Variants in STING1 observed in about 807,000 individuals in gnomAD.
The protein encoded by STING1 is stimulator of interferon genes protein.
A neutral mutation model predicts 31.6 loss-of-function variants in STING1; 19 were observed. That is an observed-to-expected ratio of 0.60 (90% CI 0.42 to 0.88). The LOEUF (loss-of-function observed/expected upper bound fraction) is 0.88, where lower values mean the gene tolerates loss of function less well. Ranked by LOEUF, STING1 falls within the 40% of genes least tolerant of loss-of-function variation. The pLI is 0.00. For synonymous variants in STING1, 200 were observed against 208.6 expected, an observed-to-expected ratio of 0.96 and a Z score of 0.35; for missense variants, 371 against 483.7, an observed-to-expected ratio of 0.77 and a Z score of 2.19.
In STING1 at chr5:139,481,736, C is replaced by T. The variant is rs756213282; in HGVS notation, c.1-32G>A. 3.2e-6 allele frequency: 5 copies of T among 1,550,944 alleles called. No individual in the cohort carries two copies. The highest frequency in any genetic ancestry group is 4.4e-6 in the Non-Finnish European group (5 of 1,133,562). On this transcript the variant is annotated intron_variant, in intron 2 of 7. Coordinates refer to ENST00000330794, the MANE Select transcript of STING1 (RefSeq NM_198282.4). The surrounding 1 kb of genome is among the most constrained non-coding windows in gnomAD (Gnocchi z 4.1). ...GCACCAAGAAATCCATGACCATTCT[C>T]CCCTTGCCCTCCTGCCCTTCTGGGA... is the stretch of plus-strand genomic sequence containing the variant.
In STING1 at chr5:139,481,936, C is replaced by T. The variant is rs1274072488; in HGVS notation, c.1-232G>A. 3.8e-6 allele frequency: 2 copies of T among 530,290 alleles called. No homozygotes were observed. Among genetic ancestry groups the T allele is most frequent in the African/African-American group, 1.9e-5 (1 of 52,730 alleles). The allele number at this position is 530,290 out of a possible 1,614,324, so 32.8% of individuals were successfully genotyped here. A position where few individuals can be genotyped will look rare whatever the true frequency, so the allele number is the denominator to read the frequency against. On this transcript the variant is annotated intron_variant, in intron 2 of 7. Transcript: ENST00000330794. This position sits in a 1 kb window ranked among gnomAD's most constrained non-coding sequence, Gnocchi z 4.1. ...GCAGGGCCTGCACATACACGCCCCA[C>T]CAAGACCCAGGGAGACCACAGGTGT...
chr5:139,476,420 C>T lies in STING1; in HGVS notation c.981G>A (p.Gln327=), dbSNP rs1457231135. The change falls in exon 8 of 8, where the codon CAG becomes CAA. Residue 327 remains glutamine, a synonymous_variant. Transcript: ENST00000330794. The part of the protein sequence containing the change: ...PADDSSFSLS[Q]EVLRHLRQEE... ...CCTGCCGCAGGTGCCGGAGAACCTC[C>T]TGGGACAGCGAGAAGCTGCTGTCAT... The T allele has an allele frequency of 1.9e-6, 3 of 1,612,424 alleles. No individual in the cohort carries two copies. Among genetic ancestry groups the T allele is most frequent in the Admixed American group, 3.3e-5 (2 of 60,010 alleles).
At chr5:139,478,071 T>C (rs1311301358) in intron 6 of STING1, among the ~76,000 whole-genome samples, 199 bp downstream of exon 6, 1 of 152,200 alleles carries the variant, frequency 6.6e-6, no homozygotes, top group East Asian at 1.9e-4. Flanking sequence ...ACACCCAGAA[T>C]AGCATCCAGC....
Position 139,475,547 on chromosome 5 carries a change from C to T in STING1, c.*714G>A, listed in dbSNP as rs1413086784. 1 of 152,184 alleles carries T rather than the reference C, an allele frequency of 6.6e-6. No homozygotes were observed. Among genetic ancestry groups the T allele is most frequent in the African/African-American group, 2.4e-5 (1 of 41,418 alleles). 9.4% of individuals were successfully genotyped at this position (152,184 alleles called of 1,614,324 possible). ...CTCACATTGGGTAATCTGAGATGTG[C>T]TTTAAAAAAGGACCGTTGAGAAAGG... On this transcript the variant is annotated 3_prime_UTR_variant, in exon 8 of 8. Transcript: ENST00000330794.
chr5:139,477,868 A>G (rs1247816635), intron 6 of STING1, among the ~76,000 whole-genome samples: 1 of 152,204 alleles, frequency 6.6e-6, no homozygotes, highest in Non-Finnish European at 1.5e-5. Flanking sequence ...CTGCACCCAC[A>G]TGAATCCTTC....
rs552895587 is a variant in STING1 at position 139,476,616 on chromosome 5, A to T, written c.947-162T>A. 7.9e-5 allele frequency among the ~76,000 whole-genome samples: 12 copies of T among 152,232 alleles called. No individual in the cohort carries two copies. In the South Asian group the frequency reaches 2.5e-3, roughly 32 times the overall value. On this transcript the variant is annotated intron_variant, in intron 7 of 7. Coordinates refer to ENST00000330794, the MANE Select transcript of STING1 (RefSeq NM_198282.4). ...AGTTTCATAGAATCCTAGAGGTAGA[A>T]GTGGTTCAGGCCTGGCACAGTGGCT...
rs916516910 is a variant in STING1 at position 139,478,429 on chromosome 5, A to G, written c.600T>C (p.Ile200=). 7.4e-6 allele frequency: 12 copies of G among 1,614,052 alleles called. No homozygotes were observed. The highest frequency in any genetic ancestry group is 3.3e-5 in the Admixed American group (2 of 60,006). The change falls in exon 6 of 8, where the codon ATT becomes ATC. Residue 200 remains isoleucine, a synonymous_variant. Transcript: ENST00000330794. ...GCACCCCACAGTCCAATGGGAGGAG[A>G]ATATACAGCCGCTGGCTCACTGCAC... ...LRGAVSQRLY[I]LLPLDCGVPD...
intron 5 of STING1, 89 bp from the exon 6 acceptor site, chr5:139,478,597 T>C (rs554059791): frequency 3.5e-6 from 4 of 1,133,338 alleles, no homozygotes; most frequent in Non-Finnish European, 5.2e-6. Context: ...GCCCCCGCAG[T>C]GTGTGGGTGC....
Position 139,480,781 on chromosome 5 carries a change from A to G in STING1, c.520+9T>C. On this transcript the variant is annotated intron_variant, in intron 5 of 7. Coordinates refer to ENST00000330794, the MANE Select transcript of STING1 (RefSeq NM_198282.4). Reference sequence around the variant, plus strand: ...AGATCGAGAAATGGGGGCAGAGAGGATGGCCCACCTGGCAGGATCAGCCGC... The same window carrying G: ...AGATCGAGAAATGGGGGCAGAGAGGGTGGCCCACCTGGCAGGATCAGCCGC... 6.3e-7 allele frequency: 1 copy of G among 1,588,452 alleles called. No individual in the cohort carries two copies. The highest frequency in any genetic ancestry group is 8.6e-7 in the Non-Finnish European group (1 of 1,156,590).
At chr5:139,479,406 C>T (rs553648491) in intron 5 of STING1, among the ~76,000 whole-genome samples, 2 of 149,460 alleles carry the variant, frequency 1.3e-5, no homozygotes, top group Admixed American at 6.7e-5. Flanking sequence ...CTCAGAACTG[C>T]ACTTAAAAAA....
In STING1 at chr5:139,478,855, A is replaced by G. The variant is rs1373073180; in HGVS notation, c.521-347T>C. ...AGAGGGAGGCCTCTAGCCCCAGATC[A>G]GTCTCCTAGCGGAAGCCCTAGGAGA... is the stretch of plus-strand genomic sequence containing the variant. On this transcript the variant is annotated intron_variant, in intron 5 of 7. Transcript: ENST00000330794. The G allele has an allele frequency of 1.1e-5, 3 of 268,178 alleles. No homozygotes were observed. In the South Asian group the frequency reaches 1.7e-4, roughly 15 times the overall value. 16.6% of individuals were successfully genotyped at this position (268,178 alleles called of 1,614,324 possible).
At chr5:139,478,701 C>T (rs1255435971) in intron 5 of STING1, 193 bp from the exon 6 acceptor site, 1 of 593,764 alleles carries the variant, frequency 1.7e-6, no homozygotes, top group Non-Finnish European at 3.0e-6. Flanking sequence ...CTTACTGCAC[C>T]ACCCTTTACC....
chr5:139,481,370 C>T lies in STING1; in HGVS notation c.228-28G>A. 1 of 1,578,406 alleles carries T rather than the reference C, an allele frequency of 6.3e-7. No homozygotes were observed. The highest frequency in any genetic ancestry group is 8.6e-7 in the Non-Finnish European group (1 of 1,160,260). ...GTGAGTGACAGCCAGACCCCAGACC[C>T]CAGCCCCCAGCCCAGCTCAGCCAGA... On this transcript the variant is annotated intron_variant, in intron 3 of 7. Coordinates refer to ENST00000330794, the MANE Select transcript of STING1 (RefSeq NM_198282.4). The surrounding 1 kb of genome is among the most constrained non-coding windows in gnomAD (Gnocchi z 4.1).
chr5:139,481,808 GCCCAGCCACT>G lies in STING1; in HGVS notation c.1-114_1-105del. 1.1e-6 allele frequency: 1 copy of G among 942,100 alleles called. No individual in the cohort carries two copies. The highest frequency in any genetic ancestry group is 1.6e-6 in the Non-Finnish European group (1 of 623,920). The allele number at this position is 942,100 out of a possible 1,614,324, so 58.4% of individuals were successfully genotyped here. A position where few individuals can be genotyped will look rare whatever the true frequency, so the allele number is the denominator to read the frequency against. On this transcript the variant is annotated intron_variant, in intron 2 of 7. Coordinates refer to ENST00000330794, the MANE Select transcript of STING1 (RefSeq NM_198282.4). This position sits in a 1 kb window ranked among gnomAD's most constrained non-coding sequence, Gnocchi z 4.1. Reference sequence around the variant, plus strand: ...TCCTCCCAGTTCCCCTTTCCCTGGTGCCCAGCCACTCCCAGAGGCTGCTCTTAGAGACACC... The same window carrying G: ...TCCTCCCAGTTCCCCTTTCCCTGGTGCCCAGAGGCTGCTCTTAGAGACACC...
In STING1 at chr5:139,478,394, A is replaced by C. The variant is rs1218304113; in HGVS notation, c.635T>G (p.Leu212Arg). 1.2e-6 allele frequency: 2 copies of C among 1,614,172 alleles called. No individual in the cohort carries two copies. The highest frequency in any genetic ancestry group is 1.7e-6 in the Non-Finnish European group (2 of 1,180,020). The change falls in exon 6 of 8, where the codon CTG becomes CGG. Residue 212 changes from leucine (L) to arginine (R), a missense_variant. Leu to Arg is a moderately radical substitution (Grantham distance 102). Transcript: ENST00000330794. The part of the protein sequence containing the change: ...LPLDCGVPDN[L>R]SMADPNIRFL... ...GCGAATGTTGGGGTCAGCCATACTC[A>C]GGTTATCAGGCACCCCACAGTCCAA...
At chr5:139,476,904 CAAA>C (rs33961341) in intron 7 of STING1, among the ~76,000 whole-genome samples, 1 of 118,412 alleles carries the variant, frequency 8.4e-6, no homozygotes. Flanking sequence ...GACTCCATCT[CAAA>C]AAAAAAAAAA....
chr5:139,479,723 G>A (rs2152093912), intron 5 of STING1, among the ~76,000 whole-genome samples: 1 of 147,760 alleles, frequency 6.8e-6, no homozygotes, highest in South Asian at 2.2e-4. Context: ...AAAATCTAAG[G>A]CTGGTGCAGT....
In STING1 at chr5:139,481,519, C is replaced by T. The variant is rs938109951; in HGVS notation, c.186G>A (p.Gly62=). 1.2e-6 allele frequency: 2 copies of T among 1,613,908 alleles called. No homozygotes were observed. The highest frequency in any genetic ancestry group is 4.5e-5 in the East Asian group (2 of 44,878). ...GCAGCTCCTCAGCCAGGCTGCAGAC[C>T]CCGTTTAACAGCAGTCCCAGCTGCA... ...ASLQLGLLLN[G]VCSLAEELRH... Residue 62 remains glycine (G), a synonymous_variant, in exon 3 of 8, where the codon GGG becomes GGA. Coordinates refer to ENST00000330794, the MANE Select transcript of STING1 (RefSeq NM_198282.4). The surrounding 1 kb of genome is among the most constrained non-coding windows in gnomAD (Gnocchi z 4.1).
intron 5 of STING1, among the ~76,000 whole-genome samples, chr5:139,480,035 G>A (rs1477327098): frequency 1.3e-5 from 2 of 150,848 alleles, no homozygotes; most frequent in Non-Finnish European, 3.0e-5. Flanking sequence ...TCTAAAATAG[G>A]TATGGGCTTG....
Sources: allele counts gnomAD v4.1 joint callset (sites outside exome capture counted in the v4.1 genomes callset), GRCh38; gene constraint gnomAD v4.1.1; non-coding constraint Gnocchi (gnomAD v3.1); transcripts MANE v1.5; gene names NCBI Gene and HGNC (gene_info 2026-07-23, HGNC 2026-07-21).